RAP1GAP2: variants seen among roughly 807,000 people sequenced by gnomAD.
RAP1GAP2 encodes rap1 GTPase-activating protein 2.
RAP1GAP2 carries 27 observed loss-of-function variants against 95.0 expected under a neutral mutation model. The ratio of observed to expected loss-of-function variants is 0.28; its 90% CI spans 0.21 to 0.39. The LOEUF is 0.39. RAP1GAP2 is among the 10% of genes least tolerant of loss of function. The pLI, the probability that RAP1GAP2 is intolerant of heterozygous loss-of-function variation, is 1.00. For synonymous variants in RAP1GAP2, 373 were observed against 380.9 expected, an observed-to-expected ratio of 0.98 and a Z score of 0.24; for missense variants, 771 against 970.0, an observed-to-expected ratio of 0.79 and a Z score of 2.72.
At chr17:2,880,668 C>A (rs1471899561) in intron 2 of RAP1GAP2, among the ~76,000 whole-genome samples, 1 of 152,036 alleles carries the variant, frequency 6.6e-6, no homozygotes, top group East Asian at 1.9e-4. Flanking sequence ...CAACTACCAT[C>A]TACTTTCTGT....
intron 3 of RAP1GAP2, among the ~76,000 whole-genome samples, chr17:2,942,583 G>A (rs186730139): frequency 6.6e-5 from 10 of 151,978 alleles, no homozygotes; most frequent in South Asian, 4.2e-4. Flanking sequence ...AATAGTGGCC[G>A]CCCCCTTTGG....
chr17:2,796,512 C>T lies in RAP1GAP2; in HGVS notation c.-16C>T, dbSNP rs1383434601. ...GTTGGGACATCGCTGGGACCCCGGGCTCTGCAGCCACAACCATGTTTGGCC... is the reference window on the plus strand; with the variant it reads ...GTTGGGACATCGCTGGGACCCCGGGTTCTGCAGCCACAACCATGTTTGGCC... On this transcript the variant is annotated 5_prime_UTR_variant, in exon 1 of 25. Coordinates refer to ENST00000254695, the MANE Select transcript of RAP1GAP2 (RefSeq NM_015085.5). The surrounding 1 kb of genome is among the most constrained non-coding windows in gnomAD (Gnocchi z 4.7). 4.5e-6 allele frequency: 7 copies of T among 1,555,834 alleles called. No individual in the cohort carries two copies. The highest frequency in any genetic ancestry group is 6.1e-6 in the Non-Finnish European group (7 of 1,149,684).
chr17:2,783,044 G>C (rs959787463), intron 1 of RAP1GAP2, among the ~76,000 whole-genome samples: 2 of 152,136 alleles, frequency 1.3e-5, no homozygotes, highest in Non-Finnish European at 2.9e-5. Context: ...CCCATTTTAT[G>C]AGGAAGTTTT....
intron 3 of RAP1GAP2, among the ~76,000 whole-genome samples, chr17:2,923,371 G>T (rs1334266225): frequency 3.7e-5 from 5 of 135,752 alleles, no homozygotes; most frequent in Non-Finnish European, 7.8e-5. Flanking sequence ...TCGCTCTGTT[G>T]CCCAGGCTGG....
At position 2,827,945 on chromosome 17, in the gene RAP1GAP2, G is replaced by A. The variant is rs889064419; in HGVS notation, c.80+27395G>A. ...CAGGCTGGAGGCCAGCTACTGCTCC[G>A]GCCAGCCCTTCCCTGTGGGGGAGCC... On this transcript the variant is annotated intron_variant, in intron 2 of 24. Coordinates refer to ENST00000254695, the MANE Select transcript of RAP1GAP2 (RefSeq NM_015085.5). The surrounding 1 kb of genome is among the most constrained non-coding windows in gnomAD (Gnocchi z 4.1). Among the ~76,000 whole-genome samples the A allele has an allele frequency of 6.6e-5, 10 of 152,310 alleles. No homozygotes were observed. The highest frequency in any genetic ancestry group is 2.1e-4 in the South Asian group (1 of 4,830).
chr17:2,777,327 G>A (rs1320825181), intron 1 of RAP1GAP2: 1 of 152,268 alleles, frequency 6.6e-6, no homozygotes, highest in Non-Finnish European at 1.5e-5. Flanking sequence ...AGGAACCCCA[G>A]GAGGACCCTG....
chr17:2,803,456 C>T (rs764657076), intron 2 of RAP1GAP2, among the ~76,000 whole-genome samples: 3 of 152,200 alleles, frequency 2.0e-5, no homozygotes, highest in Non-Finnish European at 4.4e-5. Context: ...AACTGGAAAC[C>T]CGTTGCCATC....
At chr17:2,944,161 C>CAAAAAAAAAAAAAAAAAAAA (rs36063732) in intron 3 of RAP1GAP2, among the ~76,000 whole-genome samples, 2 of 81,804 alleles carry the variant, frequency 2.4e-5, no homozygotes, top group African/African-American at 4.3e-5. Flanking sequence ...ACAGCAAAAC[C>CAAAAAAAAAAAAAAAAAAAA]AAAAAAAAAA....
chr17:2,772,207 C>T (rs1052314298), upstream of RAP1GAP2, among the ~76,000 whole-genome samples: 1 of 151,988 alleles, frequency 6.6e-6, no homozygotes, highest in Non-Finnish European at 1.5e-5. Flanking sequence ...AGGCTGGTCT[C>T]GAACTCCTGA....
chr17:2,860,377 G>T (rs1197663548), intron 2 of RAP1GAP2, among the ~76,000 whole-genome samples: 1 of 152,082 alleles, frequency 6.6e-6, no homozygotes, highest in East Asian at 1.9e-4. Flanking sequence ...AAGGTCTGAG[G>T]CCTTAGACCA....
intron 2 of RAP1GAP2, among the ~76,000 whole-genome samples, chr17:2,862,308 C>T (rs914895192): frequency 2.7e-4 from 41 of 152,248 alleles, no homozygotes; most frequent in Admixed American, 9.2e-4. Context: ...AGTGGACAGT[C>T]GCCATTAGCC....
Position 3,005,888 on chromosome 17 carries a change from C to G in RAP1GAP2, c.1273-67C>G, listed in dbSNP as rs1326705844. 1.9e-5 allele frequency: 28 copies of G among 1,456,342 alleles called. No individual in the cohort carries two copies. Among genetic ancestry groups the G allele is most frequent in the Non-Finnish European group, 2.7e-5 (28 of 1,036,824 alleles). 90.2% of individuals were successfully genotyped at this position (1,456,342 alleles called of 1,614,324 possible). A position where few individuals can be genotyped will look rare whatever the true frequency, so the allele number is the denominator to read the frequency against. On this transcript the variant is annotated intron_variant, in intron 15 of 24. Coordinates refer to ENST00000254695, the MANE Select transcript of RAP1GAP2 (RefSeq NM_015085.5). The surrounding 1 kb of genome is among the most constrained non-coding windows in gnomAD (Gnocchi z 5.2). ...TGGCCCCGGCTCTGCCTGCCTGTCA[C>G]TGTGGCTGAAGACCTTCTGGCAACA...
rs979595128 is a variant in RAP1GAP2, at chr17:2,869,035, G to T, written c.81-36249G>T. Among the ~76,000 whole-genome samples, 11 of 152,098 alleles carry T rather than the reference G, an allele frequency of 7.2e-5. No individual in the cohort carries two copies. In the East Asian group the frequency reaches 2.1e-3, roughly 29 times the overall value. On this transcript the variant is annotated intron_variant, in intron 2 of 24. Transcript: ENST00000254695. ...CGCCATGTTCTCACATAGCGAAGGGGCAAGGGAGCTCTCAGGGGCCTCTTT... is the reference window on the plus strand; with the variant it reads ...CGCCATGTTCTCACATAGCGAAGGGTCAAGGGAGCTCTCAGGGGCCTCTTT...
intron 8 of RAP1GAP2, among the ~76,000 whole-genome samples, chr17:2,967,681 T>C (rs1003359650): frequency 3.9e-5 from 6 of 152,132 alleles, no homozygotes; most frequent in Admixed American, 3.9e-4. Context: ...CTTGGAGTGA[T>C]TGCCAGGCCA....
At chr17:2,775,335 A>G (rs2068475819), upstream of RAP1GAP2, among the ~76,000 whole-genome samples, 1 of 152,182 alleles carries the variant, frequency 6.6e-6, no homozygotes, top group African/African-American at 2.4e-5. Context: ...AAACTCACAC[A>G]GGGCATCGAG....
rs1189317431 is a variant in RAP1GAP2, at chr17:2,827,240, A to G, written c.80+26690A>G. 1.2e-4 allele frequency among the ~76,000 whole-genome samples: 19 copies of G among 152,162 alleles called. No homozygotes were observed. ...TGGGCTCTTTAGCTCAGGAGAGCTC[A>G]GCTGAGTGGATACCCACTCGCACAT... On this transcript the variant is annotated intron_variant, in intron 2 of 24. Coordinates refer to ENST00000254695, the MANE Select transcript of RAP1GAP2 (RefSeq NM_015085.5). This position sits in a 1 kb window ranked among gnomAD's most constrained non-coding sequence, Gnocchi z 4.1.
intron 2 of RAP1GAP2, among the ~76,000 whole-genome samples, chr17:2,861,672 C>T (rs569209287): frequency 6.7e-6 from 1 of 150,338 alleles, no homozygotes; most frequent in Non-Finnish European, 1.5e-5. Context: ...CGGAGTCTCG[C>T]TCTGTCGCCC....
intron 1 of RAP1GAP2, among the ~76,000 whole-genome samples, chr17:2,783,009 T>C (rs1434514011): frequency 1.3e-5 from 2 of 152,128 alleles, no homozygotes; most frequent in Non-Finnish European, 2.9e-5. Flanking sequence ...AGAGTAAGAC[T>C]CCGTCTCAAA....
intron 1 of RAP1GAP2, among the ~76,000 whole-genome samples, chr17:2,779,562 G>A (rs1245249340): frequency 6.6e-6 from 1 of 152,174 alleles, no homozygotes; most frequent in Non-Finnish European, 1.5e-5. Context: ...TGGAGTCAGC[G>A]ATGTCCTGCT....
Sources: gnomAD v4.1 joint callset for allele counts (sites outside exome capture counted in the v4.1 genomes callset) on GRCh38, gnomAD v4.1.1 for gene constraint, Gnocchi (gnomAD v3.1) non-coding constraint, MANE v1.5 for transcripts, NCBI Gene and HGNC (gene_info 2026-07-23, HGNC 2026-07-21) for gene names.